MINDY4: variants seen among roughly 807,000 people sequenced by gnomAD.
The protein encoded by MINDY4 is probable ubiquitin carboxyl-terminal hydrolase MINDY-4.
Under a neutral mutation model 87.0 loss-of-function variants are expected in MINDY4, and 68 were observed. The ratio of observed to expected loss-of-function variants is 0.78; its 90% CI spans 0.64 to 0.96. The LOEUF (loss-of-function observed/expected upper bound fraction) is 0.96. Among genes scored for constraint, MINDY4 ranks in the 40% least tolerant of loss-of-function variants. MINDY4 has a pLI of 0.00. For synonymous variants in MINDY4, 379 were observed against 363.2 expected (o/e 1.04, Z -0.50); for missense variants, 919 against 928.2 (o/e 0.99, Z 0.13).
chr7:30,870,047 C>T (rs908908560), intron 13 of MINDY4, among the ~76,000 whole-genome samples: 2 of 152,222 alleles, frequency 1.3e-5, no homozygotes, highest in African/African-American at 4.8e-5. Context: ...TGGCATCTCT[C>T]TCTCTCTCGA....
chr7:30,796,915 C>T (rs898992186), intron 5 of MINDY4: 4 of 150,744 alleles, frequency 2.7e-5, no homozygotes, highest in African/African-American at 9.8e-5. Context: ...AAAAAAAGAC[C>T]CTGTCAATTC....
At chr7:30,838,808 A>G (rs1788938916) in intron 7 of MINDY4, among the ~76,000 whole-genome samples, 1 of 152,164 alleles carries the variant, frequency 6.6e-6, no homozygotes, top group African/African-American at 2.4e-5. Flanking sequence ...GTTTTTAGGA[A>G]CTTCGTATCC....
chr7:30,780,908 A>C (rs771893304), intron 2 of MINDY4: 16 of 152,322 alleles, frequency 1.1e-4, no homozygotes, highest in South Asian at 1.0e-3. Flanking sequence ...TCTTAGACAA[A>C]ATAGTTTTTG....
chr7:30,870,302 C>G (rs376532592), intron 13 of MINDY4, among the ~76,000 whole-genome samples: 11 of 152,172 alleles, frequency 7.2e-5, no homozygotes, highest in Admixed American at 3.9e-4. Flanking sequence ...GCTTATCGGC[C>G]CCCCCTCAGG....
Position 30,823,509 on chromosome 7 carries a change from AT to A in MINDY4, c.1074-5163del, listed in dbSNP as rs527993733. Among the ~76,000 whole-genome samples the A allele has an allele frequency of 7.4e-3, 1,124 of 151,876 alleles. 6 individuals carry two copies. Among genetic ancestry groups the A allele is most frequent in the Non-Finnish European group, 0.011 (763 of 67,952 alleles). ...TCCTCCTTCAGTAGCAGACTCATGAATTTTTTTCAATATTTAATGTATCATC... is the reference window on the plus strand; with the variant it reads ...TCCTCCTTCAGTAGCAGACTCATGAATTTTTTCAATATTTAATGTATCATC... On this transcript the variant is annotated intron_variant, in intron 5 of 17. Coordinates refer to ENST00000265299, the MANE Select transcript of MINDY4 (RefSeq NM_032222.3).
At chr7:30,842,443 A>G (rs1789070362) in intron 9 of MINDY4, among the ~76,000 whole-genome samples, 1 of 152,204 alleles carries the variant, frequency 6.6e-6, no homozygotes, top group Admixed American at 6.5e-5. Context: ...AACTTTGCTA[A>G]GTAAGAACCG....
chr7:30,861,861 TG>T (rs1410151035), intron 13 of MINDY4, among the ~76,000 whole-genome samples: 1 of 152,214 alleles, frequency 6.6e-6, no homozygotes, highest in African/African-American at 2.4e-5. Context: ...CAATTCCTGA[TG>T]GGGCTTCTGT....
At chr7:30,888,928 C>T (rs148774381) in intron 17 of MINDY4, among the ~76,000 whole-genome samples, 121 of 152,300 alleles carry the variant, frequency 7.9e-4, no homozygotes, top group Middle Eastern at 3.4e-3. Context: ...GAGTGTGACT[C>T]ACCCCTGCAC....
At chr7:30,808,909 CAGAG>C (rs1161744913) in intron 5 of MINDY4, among the ~76,000 whole-genome samples, 1 of 145,510 alleles carries the variant, frequency 6.9e-6, no homozygotes, top group Non-Finnish European at 1.5e-5. Flanking sequence ...GAGGAAGAGA[CAGAG>C]AGACAAAGAG....
intron 6 of MINDY4, among the ~76,000 whole-genome samples, chr7:30,832,396 G>A (rs1321249544): frequency 4.6e-5 from 7 of 152,338 alleles, no homozygotes; most frequent in African/African-American, 1.7e-4. Context: ...TTTGTCTGGG[G>A]CCTCAGATGT....
chr7:30,778,985 C>A (rs1265717013), intron 2 of MINDY4, among the ~76,000 whole-genome samples: 1 of 152,146 alleles, frequency 6.6e-6, no homozygotes, highest in Non-Finnish European at 1.5e-5. Context: ...TCTCCTGTGA[C>A]ATATAATTTA....
intron 17 of MINDY4, among the ~76,000 whole-genome samples, chr7:30,889,140 G>A (rs1188899376): frequency 1.3e-5 from 2 of 152,328 alleles, no homozygotes; most frequent in East Asian, 1.9e-4. Flanking sequence ...GATTCAGGAT[G>A]TGTTCCTTAG....
intron 5 of MINDY4, among the ~76,000 whole-genome samples, chr7:30,817,913 C>T (rs1017129885): frequency 2.0e-5 from 3 of 152,172 alleles, no homozygotes; most frequent in African/African-American, 7.2e-5. Flanking sequence ...ATTCAGGAAA[C>T]CTGGACTCTG....
intron 6 of MINDY4, among the ~76,000 whole-genome samples, chr7:30,833,221 G>A (rs950409305): frequency 6.6e-6 from 1 of 152,154 alleles, no homozygotes; most frequent in Non-Finnish European, 1.5e-5. Context: ...AAACATACCC[G>A]AGATTGGGCA....
chr7:30,891,530 C>G (rs977056958), intron 17 of MINDY4, among the ~76,000 whole-genome samples: 1 of 152,222 alleles, frequency 6.6e-6, no homozygotes, highest in Non-Finnish European at 1.5e-5. Flanking sequence ...CCGGCCCCTC[C>G]CCACCCTCTG....
intron 11 of MINDY4, 86 bp downstream of exon 11, chr7:30,852,365 G>A: frequency 2.5e-6 from 4 of 1,597,740 alleles, no homozygotes; most frequent in Non-Finnish European, 2.6e-6. Context: ...TTCCTCAGCT[G>A]GGGACAGGCT....
intron 5 of MINDY4, among the ~76,000 whole-genome samples, chr7:30,809,992 A>G (rs994645417): frequency 6.6e-6 from 1 of 151,982 alleles, no homozygotes; most frequent in Non-Finnish European, 1.5e-5. Context: ...CCTGGCCAAC[A>G]TAGTGAAACC....
intron 5 of MINDY4, among the ~76,000 whole-genome samples, chr7:30,820,604 G>A (rs553878881): frequency 6.6e-5 from 10 of 152,044 alleles, no homozygotes; most frequent in African/African-American, 1.7e-4. Flanking sequence ...ATAAACTTAC[G>A]GTGTCAGGCT....
rs1790811093 is a variant in MINDY4 at position 30,892,190 on chromosome 7, A to G, written c.*185A>G. ...CCACCCAAGACTGTGCTGGGGACCC[A>G]GTGTGTTGCTGGGTCCCCTCCCAGC... On this transcript the variant is annotated 3_prime_UTR_variant, in exon 18 of 18. Coordinates refer to ENST00000265299, the MANE Select transcript of MINDY4 (RefSeq NM_032222.3). 3 of 615,992 alleles carry G rather than the reference A, an allele frequency of 4.9e-6. No homozygotes were observed. Among genetic ancestry groups the G allele is most frequent in the African/African-American group, 1.9e-5 (1 of 53,974 alleles). The allele number at this position is 615,992 out of a possible 1,614,324, so 38.2% of individuals were successfully genotyped here. A position where few individuals can be genotyped will look rare whatever the true frequency, so the allele number is the denominator to read the frequency against.
Sources: allele counts gnomAD v4.1 joint callset (sites outside exome capture counted in the v4.1 genomes callset), GRCh38; gene constraint gnomAD v4.1.1; transcripts MANE v1.5; gene names NCBI Gene and HGNC (gene_info 2026-07-23, HGNC 2026-07-21).